Variants in OTUD7B observed in about 807,000 individuals in gnomAD.
The protein encoded by OTUD7B is OTU domain-containing protein 7B.
Under a neutral mutation model 82.2 loss-of-function variants are expected in OTUD7B, and 34 were observed. That is an observed-to-expected ratio of 0.41 (90% CI 0.31 to 0.55). OTUD7B has a LOEUF of 0.55. Ranked by LOEUF, OTUD7B falls within the 20% of genes least tolerant of loss-of-function variation. OTUD7B has a pLI of 0.20. For synonymous variants in OTUD7B, 398 were observed against 402.7 expected, an observed-to-expected ratio of 0.99 and a Z score of 0.14; for missense variants, 944 against 1,062.1, an observed-to-expected ratio of 0.89 and a Z score of 1.55.
intron 7 of OTUD7B, among the ~76,000 whole-genome samples, chr1:149,956,019 C>A (rs1648640350): frequency 6.6e-6 from 1 of 152,090 alleles, no homozygotes. Context: ...TTAATTGGAG[C>A]ATTTAGCCCA....
chr1:149,981,886 A>C (rs1650757636), intron 1 of OTUD7B, among the ~76,000 whole-genome samples: 1 of 152,216 alleles, frequency 6.6e-6, no homozygotes, highest in Non-Finnish European at 1.5e-5. Flanking sequence ...ACAGTGGCTC[A>C]CGACTGTAAT....
intron 1 of OTUD7B, among the ~76,000 whole-genome samples, chr1:150,009,356 T>C (rs1175727379): frequency 5.3e-5 from 8 of 152,198 alleles, no homozygotes; most frequent in African/African-American, 1.7e-4. Flanking sequence ...TACTCTGTCC[T>C]TTTCCACCTT....
chr1:150,027,072 G>A, the OTUD7B span, among the ~76,000 whole-genome samples: 6 of 152,230 alleles, frequency 3.9e-5, no homozygotes, highest in South Asian at 2.1e-4. Flanking sequence ...TTCAGATAAC[G>A]TAAATCAAAG....
the OTUD7B span, among the ~76,000 whole-genome samples, chr1:150,025,370 G>A: frequency 1.3e-5 from 2 of 151,586 alleles, no homozygotes; most frequent in South Asian, 2.1e-4. Context: ...AGCCGAGATC[G>A]TGCCATTGCA....
chr1:149,950,173 G>A lies in OTUD7B; in HGVS notation c.894C>T (p.His298=), dbSNP rs781974009. ...TAAGCACATGAGCAAGGACAAAGAC[G>A]TGAAACTCTTCAAGGCTCTCATATA... is the stretch of plus-strand genomic sequence containing the variant. The part of the protein sequence containing the change: ...EPVYESLEEF[H]VFVLAHVLRR... The change falls in exon 8 of 12, where the codon CAC becomes CAT. Residue 298 remains histidine, a synonymous_variant. Coordinates refer to ENST00000581312, the MANE Select transcript of OTUD7B (RefSeq NM_020205.4). 34 of 1,613,962 alleles carry A rather than the reference G, an allele frequency of 2.1e-5. No homozygotes were observed. The highest frequency in any genetic ancestry group is 5.3e-5 in the African/African-American group (4 of 74,900).
At chr1:150,021,854 A>G in the OTUD7B span, among the ~76,000 whole-genome samples, 1 of 152,250 alleles carries the variant, frequency 6.6e-6, no homozygotes, top group African/African-American at 2.4e-5. Flanking sequence ...GTGAATGTTA[A>G]CATTTAAAAT....
chr1:149,959,654 T>G, intron 7 of OTUD7B, 30 bp downstream of exon 7: 1 of 1,379,248 alleles, frequency 7.3e-7, no homozygotes, highest in South Asian at 1.2e-5. Flanking sequence ...TCTATGCAGG[T>G]TTCCTCCTCC....
At chr1:150,044,673 A>AATAAT in the OTUD7B span, among the ~76,000 whole-genome samples, 1 of 149,020 alleles carries the variant, frequency 6.7e-6, no homozygotes, top group Non-Finnish European at 1.5e-5. Context: ...CTGTCTCAAA[A>AATAAT]AATAATAATA....
the OTUD7B span, among the ~76,000 whole-genome samples, chr1:150,022,115 G>C: frequency 6.6e-6 from 1 of 152,042 alleles, no homozygotes; most frequent in Non-Finnish European, 1.5e-5. Context: ...ATCTCATGCT[G>C]GGCTGGGCAT....
the OTUD7B span, among the ~76,000 whole-genome samples, chr1:150,036,263 T>TTC: frequency 0.014 from 1 of 70 alleles, no homozygotes; most frequent in African/African-American, 0.062. Flanking sequence ...TCATTGTAAC[T>TTC]TTTTTTTTTT....
the OTUD7B span, among the ~76,000 whole-genome samples, chr1:150,064,631 A>C: frequency 6.6e-6 from 1 of 152,096 alleles, no homozygotes; most frequent in African/African-American, 2.4e-5. Flanking sequence ...AGCCTCCCAA[A>C]GTGCTAGGAT....
intron 1 of OTUD7B, among the ~76,000 whole-genome samples, chr1:149,988,529 G>T (rs781892355): frequency 3.3e-5 from 5 of 152,094 alleles, no homozygotes; most frequent in Non-Finnish European, 7.4e-5. Flanking sequence ...ACTGATAAAG[G>T]CTCCTTAAAT....
At chr1:149,995,563 A>G (rs1651869380) in intron 1 of OTUD7B, among the ~76,000 whole-genome samples, 2 of 147,112 alleles carry the variant, frequency 1.4e-5, no homozygotes, top group Non-Finnish European at 1.5e-5. Flanking sequence ...TGGGTGACAA[A>G]GCAAACCTCC....
intron 6 of OTUD7B, chr1:149,961,627 A>G (rs1354835965): frequency 6.6e-6 from 1 of 152,286 alleles, no homozygotes; most frequent in African/African-American, 2.4e-5. Context: ...TGCTGGGATT[A>G]CAGGCATGAG....
rs1324103970 is a variant in OTUD7B, at chr1:149,938,583, T to C, written c.*5274A>G. 1.3e-5 allele frequency: 2 copies of C among 149,708 alleles called. No individual in the cohort carries two copies. Among genetic ancestry groups the C allele is most frequent in the African/African-American group, 4.9e-5 (2 of 40,664 alleles). The allele number at this position is 149,708 out of a possible 1,614,324, so 9.3% of individuals were successfully genotyped here. ...GAGCCTCATTCTATTCTTTAGCACT[T>C]TGAGGTGTGGAGACAGTGGAGGAAC... is the stretch of plus-strand genomic sequence containing the variant. On this transcript the variant is annotated 3_prime_UTR_variant, in exon 12 of 12. Transcript: ENST00000581312.
rs1463735894 is a variant in OTUD7B at position 149,939,891 on chromosome 1, T to G, written c.*3966A>C. 6.6e-6 allele frequency: 1 copy of G among 151,492 alleles called. No individual in the cohort carries two copies. Among genetic ancestry groups the G allele is most frequent in the African/African-American group, 2.4e-5 (1 of 41,184 alleles). The allele number at this position is 151,492 out of a possible 1,614,324, so 9.4% of individuals were successfully genotyped here. A position where few individuals can be genotyped will look rare whatever the true frequency, so the allele number is the denominator to read the frequency against. On this transcript the variant is annotated 3_prime_UTR_variant, in exon 12 of 12. Coordinates refer to ENST00000581312, the MANE Select transcript of OTUD7B (RefSeq NM_020205.4). ...TTGGAGTGAGCCGAGATTGCACCAC[T>G]GCACTCCAGCCTGGGCAGCTGAGCG...
the OTUD7B span, among the ~76,000 whole-genome samples, chr1:150,066,074 T>C: frequency 2.0e-5 from 3 of 152,214 alleles, no homozygotes; most frequent in Non-Finnish European, 4.4e-5. The surrounding 1 kb of genome is among the most constrained non-coding windows in gnomAD (Gnocchi z 4.6). Context: ...CATAGACAAG[T>C]CTTTATCTCC....
At chr1:150,044,444 G>A in the OTUD7B span, among the ~76,000 whole-genome samples, 1 of 152,030 alleles carries the variant, frequency 6.6e-6, no homozygotes, top group Non-Finnish European at 1.5e-5. Context: ...CTGACTTCAA[G>A]TGACCCACCC....
the OTUD7B span, among the ~76,000 whole-genome samples, chr1:150,053,401 C>CT: frequency 1.1e-3 from 165 of 143,890 alleles, no homozygotes; most frequent in African/African-American, 1.9e-3. Flanking sequence ...CTTTTTTTTT[C>CT]TTTTTTTTTT....
Sources: gnomAD v4.1 joint callset for allele counts (sites outside exome capture counted in the v4.1 genomes callset) on GRCh38, gnomAD v4.1.1 for gene constraint, Gnocchi (gnomAD v3.1) non-coding constraint, MANE v1.5 for transcripts, NCBI Gene and HGNC (gene_info 2026-07-23, HGNC 2026-07-21) for gene names.